The following LRP1B variants were observed in gnomAD, a reference collection of about 807,000 sequenced individuals.
The protein encoded by LRP1B is low-density lipoprotein receptor-related protein 1B.
LRP1B carries 217 observed loss-of-function variants against 556.6 expected under a neutral mutation model. The ratio of observed to expected loss-of-function variants is 0.39; its 90% CI spans 0.35 to 0.44. The LOEUF is 0.44. Among genes scored for constraint, LRP1B ranks in the 20% least tolerant of loss-of-function variants. The probability of loss-of-function intolerance (pLI) is 1.00; values close to 1 mark genes in which losing one functional copy is unlikely to be tolerated. For missense variants in LRP1B, 5,053 were observed against 5,620.8 expected (o/e 0.90, Z 3.23); for synonymous variants, 2,047 against 1,865.8 (o/e 1.10, Z -2.50).
At chr2:140,753,059 C>A (rs1022795475) in intron 35 of LRP1B, among the ~76,000 whole-genome samples, 1 of 152,166 alleles carries the variant, frequency 6.6e-6, no homozygotes, top group African/African-American at 2.4e-5. Context: ...CATCCCCTGG[C>A]AAACCATTGA....
At chr2:141,338,710 T>C (rs1687938584) in intron 3 of LRP1B, among the ~76,000 whole-genome samples, 1 of 152,184 alleles carries the variant, frequency 6.6e-6, no homozygotes, top group South Asian at 2.1e-4. Context: ...TCCAAAGCCT[T>C]CTAAATTATC....
At chr2:140,683,075 C>CAG (rs1205731659) in intron 41 of LRP1B, among the ~76,000 whole-genome samples, 5 of 152,174 alleles carry the variant, frequency 3.3e-5, no homozygotes, top group Admixed American at 1.3e-4. Context: ...TTCAGAATGG[C>CAG]AGACTACGCT....
intron 18 of LRP1B, among the ~76,000 whole-genome samples, chr2:140,972,448 A>G (rs1002724152): frequency 6.6e-6 from 1 of 152,184 alleles, no homozygotes; most frequent in African/African-American, 2.4e-5. Flanking sequence ...AAACCAGAGA[A>G]TGGAGAAAAA....
In LRP1B at chr2:140,487,622, T is replaced by C. The variant is rs1688522676; in HGVS notation, c.9238A>G (p.Ile3080Val). Residue 3080 changes from isoleucine to valine, a missense_variant, in exon 58 of 91, where the codon ATT (isoleucine) becomes GTT (valine). Ile to Val is a conservative substitution (Grantham distance 29). Around this residue, in one of 5 missense-constraint regions of LRP1B, gnomAD observed 3,619 missense variants for 3,931.9 expected, o/e 0.92. Coordinates refer to ENST00000389484, the MANE Select transcript of LRP1B (RefSeq NM_018557.3). ...TCATTGTAATATTTAGTTACCTTAA[T>C]GTCACTTCCATTTAAACACATTCTA... is the stretch of plus-strand genomic sequence containing the variant. ...INRMCLNGSD[I>V]KVVHNTAVPN... 6.2e-7 allele frequency: 1 copy of C among 1,608,538 alleles called. No individual in the cohort carries two copies. Among genetic ancestry groups the C allele is most frequent in the African/African-American group, 1.3e-5 (1 of 74,670 alleles).
At chr2:140,608,042 C>A (rs1682934256) in intron 41 of LRP1B, among the ~76,000 whole-genome samples, 3 of 151,522 alleles carry the variant, frequency 2.0e-5, no homozygotes, top group African/African-American at 7.3e-5. Context: ...TTTTTTCCAC[C>A]AGTCTAATTT....
intron 3 of LRP1B, among the ~76,000 whole-genome samples, chr2:141,463,573 TATATATAATTATATATA>T (rs1682013515): frequency 2.2e-5 from 1 of 45,068 alleles, no homozygotes; most frequent in East Asian, 1.0e-3. Context: ...TATTATATAT[TATATATAATTATATATA>T]ATATATATTA....
rs571629591 is a variant in LRP1B at position 141,719,639 on chromosome 2, T to A, written c.205+90640A>T. On this transcript the variant is annotated intron_variant, in intron 2 of 90. Coordinates refer to ENST00000389484, the MANE Select transcript of LRP1B (RefSeq NM_018557.3). ...ATAGATAGAATGTATCCACCAACAA[T>A]GCATTGGATAAAGAAAATGTGGTAC... Among the ~76,000 whole-genome samples, 12 of 152,080 alleles carry A rather than the reference T, an allele frequency of 7.9e-5. No homozygotes were observed. The South Asian group carries it at 2.5e-3, about 32-fold the overall frequency.
intron 3 of LRP1B, among the ~76,000 whole-genome samples, chr2:141,336,337 G>C (rs1231310034): frequency 6.6e-6 from 1 of 151,958 alleles, no homozygotes; most frequent in African/African-American, 2.4e-5. Context: ...ATGTATAATG[G>C]ATACCTCAAA....
At chr2:140,972,765 A>G (rs1696470397) in intron 18 of LRP1B, among the ~76,000 whole-genome samples, 1 of 151,840 alleles carries the variant, frequency 6.6e-6, no homozygotes, top group South Asian at 2.1e-4. Context: ...CATGACTCCG[A>G]AACTGAGAGA....
chr2:141,181,248 C>T (rs1438938936), intron 7 of LRP1B, among the ~76,000 whole-genome samples: 1 of 151,716 alleles, frequency 6.6e-6, no homozygotes, highest in Non-Finnish European at 1.5e-5. Flanking sequence ...ACCTTATGAC[C>T]GTAGAGGAAT....
At position 140,444,831 on chromosome 2, in the gene LRP1B, T is replaced by C. The variant is rs1403772506; in HGVS notation, c.10058-152A>G. The C allele has an allele frequency of 1.0e-5, 6 of 596,148 alleles. No individual in the cohort carries two copies. The African/African-American group carries it at 1.1e-4, about 11-fold the overall frequency. 36.9% of individuals were successfully genotyped at this position (596,148 alleles called of 1,614,324 possible). On this transcript the variant is annotated intron_variant, in intron 63 of 90. Transcript: ENST00000389484. ...CATCTCGATAGCTATTAGATTCAAA[T>C]GTTTAGCTATACTTTGAGCAACTCA...
chr2:141,303,470 A>G (rs1686469102), intron 3 of LRP1B, among the ~76,000 whole-genome samples: 1 of 152,102 alleles, frequency 6.6e-6, no homozygotes, highest in Non-Finnish European at 1.5e-5. Flanking sequence ...TCTGGTATCT[A>G]TAATTCTACT....
chr2:140,814,022 T>C (rs1691020154), intron 31 of LRP1B, among the ~76,000 whole-genome samples: 1 of 152,302 alleles, frequency 6.6e-6, no homozygotes, highest in East Asian at 1.9e-4. Flanking sequence ...TCATTTATAC[T>C]GGAGTGCAGT....
intron 77 of LRP1B, among the ~76,000 whole-genome samples, chr2:140,342,963 T>C (rs1325868890): frequency 1.3e-5 from 2 of 151,532 alleles, no homozygotes; most frequent in Non-Finnish European, 3.0e-5. Context: ...ATCTTCTATA[T>C]AGCAAAAACC....
chr2:141,708,933 C>T (rs554988741), intron 2 of LRP1B, among the ~76,000 whole-genome samples: 2 of 152,250 alleles, frequency 1.3e-5, no homozygotes, highest in African/African-American at 4.8e-5. Context: ...CTTCCAGCCC[C>T]TAGACTTGTG....
At chr2:141,141,969 A>G (rs1392989068) in intron 7 of LRP1B, among the ~76,000 whole-genome samples, 1 of 151,762 alleles carries the variant, frequency 6.6e-6, no homozygotes, top group Non-Finnish European at 1.5e-5. Flanking sequence ...AATAAATGTT[A>G]TATTGTGGGC....
chr2:141,921,397 A>G (rs1700181065), intron 1 of LRP1B, among the ~76,000 whole-genome samples: 1 of 151,926 alleles, frequency 6.6e-6, no homozygotes, highest in African/African-American at 2.4e-5. Context: ...GGAGATTCTG[A>G]TTTTCTAAAA....
At position 140,550,707 on chromosome 2, in the gene LRP1B, G is replaced by T. The variant is rs144003522; in HGVS notation, c.7195-8736C>A. Among the ~76,000 whole-genome samples the T allele has an allele frequency of 3.5e-3, 539 of 152,210 alleles. 4 individuals are homozygous for T. Among genetic ancestry groups the T allele is most frequent in the African/African-American group, 0.013 (526 of 41,540 alleles). Reference sequence around the variant, plus strand: ...AATCTGAAACGACTGCTAATACCTAGTAAGTACACAGATTAAATATAGTAT... The same window carrying T: ...AATCTGAAACGACTGCTAATACCTATTAAGTACACAGATTAAATATAGTAT... On this transcript the variant is annotated intron_variant, in intron 43 of 90. Transcript: ENST00000389484.
chr2:141,856,419 A>G (rs376343214), intron 1 of LRP1B, among the ~76,000 whole-genome samples: 1 of 151,988 alleles, frequency 6.6e-6, no homozygotes, highest in Admixed American at 6.6e-5. Context: ...CTTTTTTTAT[A>G]TTTTTGCTTC....
Sources: allele counts gnomAD v4.1 joint callset (sites outside exome capture counted in the v4.1 genomes callset), GRCh38; gene constraint gnomAD v4.1.1; regional missense constraint gnomAD v4.1.1; transcripts MANE v1.5; gene names NCBI Gene and HGNC (gene_info 2026-07-23, HGNC 2026-07-21).